Variants in EFCC1 observed in about 807,000 individuals in gnomAD.
EFCC1 encodes EF-hand and coiled-coil domain-containing protein 1.
In EFCC1, 50 loss-of-function variants were observed where a neutral mutation model predicts 52.1. The observed-to-expected ratio is 0.96, with a 90% confidence interval of 0.76 to 1.21. The LOEUF is 1.21. Ranked by LOEUF, EFCC1 falls within the 50% of genes most tolerant of loss-of-function variation. The pLI, the probability that EFCC1 is intolerant of heterozygous loss-of-function variation, is 0.00. For missense variants in EFCC1, 837 were observed against 867.3 expected (o/e 0.97, Z 0.44); for synonymous variants, 399 against 396.5 (o/e 1.01, Z -0.08).
chr3:129,016,450 T>C (rs1945585855), intron 2 of EFCC1, among the ~76,000 whole-genome samples: 1 of 151,770 alleles, frequency 6.6e-6, no homozygotes, highest in African/African-American at 2.4e-5. Context: ...TAAGCAAGCC[T>C]GAAGTCCACA....
At chr3:129,030,571 C>A in intron 2 of EFCC1, 132 bp from the exon 3 acceptor site, 2 of 1,110,820 alleles carry the variant, frequency 1.8e-6, no homozygotes, top group Admixed American at 3.0e-5. Context: ...CTAGCACTTC[C>A]TCCTGGACTG....
chr3:129,038,031 T>C (rs943236449), intron 6 of EFCC1, among the ~76,000 whole-genome samples: 5 of 150,942 alleles, frequency 3.3e-5, no homozygotes, highest in Admixed American at 2.6e-4. Context: ...GCCACTGCAC[T>C]CCAGCCTGGG....
chr3:129,003,961 C>T lies in EFCC1; in HGVS notation c.864C>T (p.Ala288=). ...AGGTGCGGCGGCGCGCGGAGGAGGC[C>T]CGGCAGGTGGTGCTGCGCAGCCTGC... ...QAEVRRRAEE[A]RQVVLRSLHR... is the part of the protein sequence containing the mutation. The change falls in exon 2 of 8, where the codon GCC becomes GCT. Residue 288 remains alanine (A), a synonymous_variant. Coordinates refer to ENST00000683648, the MANE Select transcript of EFCC1 (RefSeq NM_001377500.1). 1 of 1,444,980 alleles carries T rather than the reference C, an allele frequency of 6.9e-7. No homozygotes were observed. Among genetic ancestry groups the T allele is most frequent in the African/African-American group, 1.5e-5 (1 of 67,370 alleles). 89.5% of individuals were successfully genotyped at this position (1,444,980 alleles called of 1,614,324 possible).
At chr3:129,028,448 C>T (rs1219399902) in intron 2 of EFCC1, among the ~76,000 whole-genome samples, 1 of 152,108 alleles carries the variant, frequency 6.6e-6, no homozygotes, top group Non-Finnish European at 1.5e-5. Context: ...ATTCTTAGAC[C>T]AAACACAGAA....
Position 129,002,173 on chromosome 3 carries a change from G to C in EFCC1, c.545G>C (p.Arg182Pro). 1 of 1,477,370 alleles carries C rather than the reference G, an allele frequency of 6.8e-7. No individual in the cohort carries two copies. Among genetic ancestry groups the C allele is most frequent in the Non-Finnish European group, 8.9e-7 (1 of 1,125,264 alleles). 91.5% of individuals were successfully genotyped at this position (1,477,370 alleles called of 1,614,324 possible). ...ATCCGCCTGCGCCGTCCGCGCCGCCGCCGCCGCCCGCCCTGCGCGCCTGGC... is the reference window on the plus strand; with the variant it reads ...ATCCGCCTGCGCCGTCCGCGCCGCCCCCGCCGCCCGCCCTGCGCGCCTGGC... ...TQIRLRRPRR[R>P]RRPPCAPGPD... The change falls in exon 1 of 8, where the codon CGC (arginine) becomes CCC (proline). Residue 182 changes from arginine (R) to proline (P), a missense_variant. By Grantham distance (103) the Arg-to-Pro change is moderately radical. Coordinates refer to ENST00000683648, the MANE Select transcript of EFCC1 (RefSeq NM_001377500.1).
rs2107844604 is a variant in EFCC1, at chr3:129,001,875, T to A, written c.247T>A (p.Cys83Ser). The A allele has an allele frequency of 6.5e-7, 1 of 1,545,200 alleles. No homozygotes were observed. Among genetic ancestry groups the A allele is most frequent in the Non-Finnish European group, 8.7e-7 (1 of 1,144,986 alleles). Residue 83 changes from cysteine (C) to serine (S), a missense_variant, in exon 1 of 8, where the codon TGC becomes AGC. Physicochemically the swap from Cys to Ser is moderately radical, Grantham distance 112 (BLOSUM62 -1). Coordinates refer to ENST00000683648, the MANE Select transcript of EFCC1 (RefSeq NM_001377500.1). Reference protein sequence around the residue: ...RLPRADFRALCAVLGLRAEGA... With the variant: ...RLPRADFRALSAVLGLRAEGA... Reference sequence around the variant, plus strand: ...GCCCCGCGCCGACTTCCGAGCGCTCTGCGCTGTGCTGGGGCTGCGCGCGGA... The same window carrying A: ...GCCCCGCGCCGACTTCCGAGCGCTCAGCGCTGTGCTGGGGCTGCGCGCGGA...
At chr3:129,019,023 C>T (rs375713408) in intron 2 of EFCC1, among the ~76,000 whole-genome samples, 20 of 152,330 alleles carry the variant, frequency 1.3e-4, no homozygotes, top group Non-Finnish European at 1.3e-4. Context: ...TGTCCTCCCC[C>T]ACACCACCGT....
At chr3:129,005,680 G>A (rs1945042956) in intron 2 of EFCC1, among the ~76,000 whole-genome samples, 1 of 152,228 alleles carries the variant, frequency 6.6e-6, no homozygotes, top group Non-Finnish European at 1.5e-5. Flanking sequence ...GCTGGGGGTG[G>A]AGCAGCCAGA....
chr3:129,002,070 C>G lies in EFCC1; in HGVS notation c.442C>G (p.Arg148Gly). The G allele has an allele frequency of 2.0e-6, 3 of 1,537,228 alleles. No individual in the cohort carries two copies. The highest frequency in any genetic ancestry group is 2.6e-6 in the Non-Finnish European group (3 of 1,141,926). Residue 148 changes from arginine (R) to glycine (G), a missense_variant, in exon 1 of 8, where the codon CGC becomes GGC. Transcript: ENST00000683648. Reference protein sequence around the residue: ...PELTFRQFHARLCGYFGTRAG... With the variant: ...PELTFRQFHAGLCGYFGTRAG... ...GCTCACCTTCCGCCAGTTCCACGCG[C>G]GCCTCTGTGGCTACTTCGGCACCCG...
intron 1 of EFCC1, 104 bp downstream of exon 1, chr3:129,002,428 GAC>G: frequency 7.0e-7 from 1 of 1,418,496 alleles, no homozygotes; most frequent in East Asian, 2.9e-5. Context: ...AGGAAGGGGA[GAC>G]AGAGGGCAGC....
In EFCC1 at chr3:129,014,284, G is replaced by A. The variant is rs1278014758; in HGVS notation, c.980+10207G>A. On this transcript the variant is annotated intron_variant, in intron 2 of 7. Transcript: ENST00000683648. The surrounding 1 kb of genome is among the most constrained non-coding windows in gnomAD (Gnocchi z 4.3). ...GGGTGGACGAGGGGAGGGTCAGGGAGTGTGAGTCAGCTCGGGCTGCTGTGA... is the reference window on the plus strand; with the variant it reads ...GGGTGGACGAGGGGAGGGTCAGGGAATGTGAGTCAGCTCGGGCTGCTGTGA... Among the ~76,000 whole-genome samples the A allele has an allele frequency of 1.3e-5, 2 of 152,240 alleles. No homozygotes were observed. The highest frequency in any genetic ancestry group is 4.8e-5 in the African/African-American group (2 of 41,466).
In EFCC1 at chr3:129,018,120, A is replaced by G. The variant is rs192995021; in HGVS notation, c.981-12583A>G. Among the ~76,000 whole-genome samples, 6 of 152,310 alleles carry G rather than the reference A, an allele frequency of 3.9e-5. No individual in the cohort carries two copies. In the East Asian group the frequency reaches 1.2e-3, roughly 29 times the overall value. The stretch of plus-strand genomic sequence containing the variant: ...AGATGCTTGGTTTCAATTATTCTAT[A>G]ACCTAATAGGATTAGTTATCTTAGG... On this transcript the variant is annotated intron_variant, in intron 2 of 7. Transcript: ENST00000683648.
Position 129,001,601 on chromosome 3 carries a change from C to T in EFCC1, c.-28C>T. The T allele has an allele frequency of 7.4e-7, 1 of 1,355,460 alleles. No individual in the cohort carries two copies. The highest frequency in any genetic ancestry group is 9.4e-7 in the Non-Finnish European group (1 of 1,060,782). The allele number at this position is 1,355,460 out of a possible 1,614,324, so 84.0% of individuals were successfully genotyped here. A position where few individuals can be genotyped will look rare whatever the true frequency, so the allele number is the denominator to read the frequency against. Reference sequence around the variant, plus strand: ...CGGGGCGAAGGGACCGGAGGAGGGACCGGAGGAGCGAGGCGCGCGGCGCAG... The same window carrying T: ...CGGGGCGAAGGGACCGGAGGAGGGATCGGAGGAGCGAGGCGCGCGGCGCAG... On this transcript the variant is annotated 5_prime_UTR_variant, in exon 1 of 8. Coordinates refer to ENST00000683648, the MANE Select transcript of EFCC1 (RefSeq NM_001377500.1).
intron 2 of EFCC1, among the ~76,000 whole-genome samples, chr3:129,007,532 C>T (rs1035666601): frequency 1.3e-5 from 2 of 152,336 alleles, no homozygotes; most frequent in Admixed American, 1.3e-4. Context: ...CAACAAACAC[C>T]TTTCCAGCAT....
At chr3:129,018,893 TG>T (rs1945707129) in intron 2 of EFCC1, among the ~76,000 whole-genome samples, 1 of 152,214 alleles carries the variant, frequency 6.6e-6, no homozygotes, top group African/African-American at 2.4e-5. Context: ...CCACCCCAAA[TG>T]TTGTTCTGCG....
Position 129,034,200 on chromosome 3 carries a change from C to T in EFCC1, c.1323C>T (p.Tyr441=). 1 of 1,614,218 alleles carries T rather than the reference C, an allele frequency of 6.2e-7. No homozygotes were observed. The highest frequency in any genetic ancestry group is 8.5e-7 in the Non-Finnish European group (1 of 1,180,038). ...AGACGGCGGAGAAGCTCATGACTTA[C>T]TTTGGTCACTTCGGCGGTGCCAACC... ...DDQTAEKLMT[Y]FGHFGGANHA... The change falls in exon 5 of 8, where the codon TAC becomes TAT. Residue 441 remains tyrosine (Y), a synonymous_variant. Transcript: ENST00000683648.
chr3:129,028,473 T>C (rs1946192713), intron 2 of EFCC1, among the ~76,000 whole-genome samples: 1 of 152,210 alleles, frequency 6.6e-6, no homozygotes, highest in African/African-American at 2.4e-5. Context: ...TTAGGACTTT[T>C]ATTCCTTTTG....
rs3821376 is a variant in EFCC1, at chr3:129,036,664, T to A, written c.1453-313T>A. Among the ~76,000 whole-genome samples the A allele has an allele frequency of 4.4e-3, 676 of 152,356 alleles. 10 individuals are homozygous for A. In the East Asian group the frequency reaches 0.05, roughly 11 times the overall value. Reference sequence around the variant, plus strand: ...AGGTTCTCCAGCTGCTAGTCCATTCTGGGATCTGCCCACTAGCCTGCCATA... The same window carrying A: ...AGGTTCTCCAGCTGCTAGTCCATTCAGGGATCTGCCCACTAGCCTGCCATA... On this transcript the variant is annotated intron_variant, in intron 5 of 7. Transcript: ENST00000683648.
At chr3:129,002,491 T>A in intron 1 of EFCC1, 167 bp downstream of exon 1, 1 of 1,301,550 alleles carries the variant, frequency 7.7e-7, no homozygotes, top group Non-Finnish European at 9.9e-7. Flanking sequence ...CCCCTGTTCC[T>A]CCCCATTCCA....
Sources: allele counts gnomAD v4.1 joint callset (sites outside exome capture counted in the v4.1 genomes callset), GRCh38; gene constraint gnomAD v4.1.1; non-coding constraint Gnocchi (gnomAD v3.1); transcripts MANE v1.5; gene names NCBI Gene and HGNC (gene_info 2026-07-23, HGNC 2026-07-21).